The following DDC variants were observed in gnomAD, a reference collection of about 807,000 sequenced individuals.
The protein encoded by DDC is dopa decarboxylase.
DDC carries 43 observed loss-of-function variants against 60.0 expected under a neutral mutation model. The ratio of observed to expected loss-of-function variants is 0.72; its 90% CI spans 0.56 to 0.92. The LOEUF is 0.92. Ranked by LOEUF, DDC falls within the 40% of genes least tolerant of loss-of-function variation. The pLI, the probability that DDC is intolerant of heterozygous loss-of-function variation, is 0.00. For missense variants in DDC, 573 were observed against 620.2 expected (o/e 0.92, Z 0.81); for synonymous variants, 232 against 234.6 (o/e 0.99, Z 0.10).
chr7:50,540,071 C>A, intron 2 of DDC, 43 bp from the exon 3 acceptor site: 1 of 1,525,398 alleles, frequency 6.6e-7, no homozygotes, highest in South Asian at 1.2e-5. Flanking sequence ...TGAGGAAAGC[C>A]AGGCCTCAAG....
At chr7:50,477,819 A>G (rs189278001) in intron 10 of DDC, among the ~76,000 whole-genome samples, 1 of 152,210 alleles carries the variant, frequency 6.6e-6, no homozygotes, top group Non-Finnish European at 1.5e-5. Context: ...CAAACATAAC[A>G]TCAATAGCAG....
chr7:50,461,802 A>C (rs1179942742), intron 14 of DDC, among the ~76,000 whole-genome samples: 1 of 152,076 alleles, frequency 6.6e-6, no homozygotes, highest in Non-Finnish European at 1.5e-5. Flanking sequence ...TTGAGATACC[A>C]CTTTGGAGTT....
chr7:50,554,588 GT>G (rs762401724), intron 1 of DDC, among the ~76,000 whole-genome samples: 1 of 152,044 alleles, frequency 6.6e-6, no homozygotes, highest in African/African-American at 2.4e-5. Context: ...CAACTGCTGG[GT>G]TTTTTTAGCT....
intron 9 of DDC, among the ~76,000 whole-genome samples, chr7:50,494,924 A>G (rs1296661869): frequency 6.6e-6 from 1 of 152,108 alleles, no homozygotes; most frequent in Non-Finnish European, 1.5e-5. Context: ...CGGCCTCCCA[A>G]AGGGCTGGGA....
At chr7:50,542,419 G>A (rs893444862) in intron 2 of DDC, 14 of 152,160 alleles carry the variant, frequency 9.2e-5, no homozygotes, top group African/African-American at 2.9e-4. Flanking sequence ...GGACAGATGT[G>A]TGCTCTTTTG....
chr7:50,493,138 T>C, intron 9 of DDC: 1 of 748,520 alleles, frequency 1.3e-6, no homozygotes, highest in Non-Finnish European at 2.3e-6. Flanking sequence ...AGCGTGGCAA[T>C]GTCTGTGTCC....
intron 6 of DDC, among the ~76,000 whole-genome samples, chr7:50,510,033 C>T (rs1301086419): frequency 6.6e-6 from 1 of 151,770 alleles, no homozygotes; most frequent in Non-Finnish European, 1.5e-5. Flanking sequence ...TGAAGTGGTG[C>T]CATCTCAGCT....
chr7:50,527,896 T>C (rs1322439898), intron 6 of DDC: 4 of 434,064 alleles, frequency 9.2e-6, no homozygotes, highest in African/African-American at 8.1e-5. Context: ...AAAGCGTTTC[T>C]CAAAGATTAA....
Position 50,552,885 on chromosome 7 carries a change from C to T in DDC, c.-28-8772G>A, listed in dbSNP as rs185799898. Among the ~76,000 whole-genome samples, 5 of 152,332 alleles carry T rather than the reference C, an allele frequency of 3.3e-5. No homozygotes were observed. The East Asian group carries it at 5.8e-4, about 18-fold the overall frequency. ...AAGAGTCACAGGAGACACTATGGCT[C>T]AGGAGCCACAGCCCCTCCCACCATT... On this transcript the variant is annotated intron_variant, in intron 1 of 14. Transcript: ENST00000444124.
At position 50,499,212 on chromosome 7, in the gene DDC, T is replaced by A. The variant is rs1226037218; in HGVS notation, c.812A>T (p.Asp271Val). ...CNKEDIWLHVDAAYAGSAFIC... is the reference protein window; with the variant it reads ...CNKEDIWLHVVAAYAGSAFIC... The stretch of plus-strand genomic sequence containing the variant: ...GAATGCACTGCCTGCGTAGGCTGCA[T>A]CAACGTGCAGCCATATGTCTTCCTT... Residue 271 changes from aspartate to valine, a missense_variant, in exon 8 of 15, where the codon GAT (aspartate) becomes GTT (valine). Coordinates refer to ENST00000444124, the MANE Select transcript of DDC (RefSeq NM_001082971.2). The A allele has an allele frequency of 1.2e-6, 2 of 1,613,568 alleles. No homozygotes were observed. Among genetic ancestry groups the A allele is most frequent in the Non-Finnish European group, 1.7e-6 (2 of 1,179,786 alleles).
At chr7:50,483,641 A>G (rs925215916) in intron 9 of DDC, among the ~76,000 whole-genome samples, 1 of 152,062 alleles carries the variant, frequency 6.6e-6, no homozygotes, top group Non-Finnish European at 1.5e-5. Flanking sequence ...AGTGGCTCAC[A>G]CCTGTAATCC....
Position 50,476,148 on chromosome 7 carries a change from G to T in DDC, c.1041+476C>A, listed in dbSNP as rs139017926. The stretch of plus-strand genomic sequence containing the variant: ...TCCAGACTAACACTAGAACAACCTG[G>T]CATTTTCAAAGTATGCCTCATTCAA... On this transcript the variant is annotated intron_variant, in intron 11 of 14. Coordinates refer to ENST00000444124, the MANE Select transcript of DDC (RefSeq NM_001082971.2). Among the ~76,000 whole-genome samples the T allele has an allele frequency of 9.9e-5, 15 of 152,240 alleles. No homozygotes were observed. In the East Asian group the frequency reaches 2.7e-3, roughly 27 times the overall value.
intron 6 of DDC, among the ~76,000 whole-genome samples, chr7:50,506,297 G>A (rs2043393205): frequency 6.6e-6 from 1 of 152,148 alleles, no homozygotes; most frequent in Non-Finnish European, 1.5e-5. Flanking sequence ...GCATTTCAAA[G>A]GTGAATTTGC....
At chr7:50,524,294 A>AC (rs1395432658) in intron 6 of DDC, among the ~76,000 whole-genome samples, 1 of 152,142 alleles carries the variant, frequency 6.6e-6, no homozygotes, top group African/African-American at 2.4e-5. Flanking sequence ...AGAAATAGTG[A>AC]CCCCTAAGGT....
At position 50,495,357 on chromosome 7, in the gene DDC, C is replaced by A; in HGVS notation, c.937G>T (p.Ala313Ser). ...KWLLVNFDCS[A>S]MWVKKRTDLT... Reference sequence around the variant, plus strand: ...GTGAGCAGGGAAACTTACCACATGGCAGAACAGTCAAAATTCACCAATAGC... The same window carrying A: ...GTGAGCAGGGAAACTTACCACATGGAAGAACAGTCAAAATTCACCAATAGC... Residue 313 changes from alanine to serine, a missense_variant, in exon 9 of 15, where the codon GCC (alanine) becomes TCC (serine). By Grantham distance (99) the Ala-to-Ser change is moderately conservative. Transcript: ENST00000444124. 6.2e-7 allele frequency: 1 copy of A among 1,612,370 alleles called. No individual in the cohort carries two copies. Among genetic ancestry groups the A allele is most frequent in the Non-Finnish European group, 8.5e-7 (1 of 1,178,824 alleles).
intron 4 of DDC, among the ~76,000 whole-genome samples, chr7:50,531,250 G>C (rs544697223): frequency 3.9e-5 from 6 of 152,302 alleles, no homozygotes; most frequent in African/African-American, 1.4e-4. Context: ...GGCTCCCTGA[G>C]AGCAGGCATT....
intron 13 of DDC, 82 bp downstream of exon 13, chr7:50,467,132 G>A: frequency 7.9e-7 from 1 of 1,261,150 alleles, no homozygotes; most frequent in South Asian, 1.2e-5. Context: ...CAGTGCCAGT[G>A]TTTGAGCATG....
intron 6 of DDC, 70 bp downstream of exon 6, chr7:50,528,067 T>C (rs546540506): frequency 3.8e-6 from 6 of 1,568,410 alleles, no homozygotes; most frequent in East Asian, 2.3e-5. Context: ...CGGCTAATTT[T>C]TTTTTGTATT....
At chr7:50,521,130 C>T (rs964548020) in intron 6 of DDC, among the ~76,000 whole-genome samples, 4 of 151,966 alleles carry the variant, frequency 2.6e-5, no homozygotes, top group African/African-American at 9.7e-5. Flanking sequence ...ACCATCATTA[C>T]TAATCCTATG....
Sources: gnomAD v4.1 joint callset for allele counts (sites outside exome capture counted in the v4.1 genomes callset) on GRCh38, gnomAD v4.1.1 for gene constraint, MANE v1.5 for transcripts, NCBI Gene and HGNC (gene_info 2026-07-23, HGNC 2026-07-21) for gene names.